Variants in RAB14 observed in about 807,000 individuals in gnomAD.
The protein encoded by RAB14 is ras-related protein Rab-14.
A neutral mutation model predicts 31.1 loss-of-function variants in RAB14; 3 were observed. The ratio of observed to expected loss-of-function variants is 0.10; its 90% CI spans 0.04 to 0.25. The LOEUF (loss-of-function observed/expected upper bound fraction) is 0.25. Among genes scored for constraint, RAB14 ranks in the 10% least tolerant of loss-of-function variants. The pLI, the probability that RAB14 is intolerant of heterozygous loss-of-function variation, is 1.00. For synonymous variants in RAB14, 85 were observed against 84.9 expected (o/e 1.00, Z 0.00); for missense variants, 111 against 260.1 (o/e 0.43, Z 3.94).
intron 4 of RAB14, among the ~76,000 whole-genome samples, chr9:121,189,999 A>T (rs1213804188): frequency 2.0e-5 from 3 of 152,168 alleles, no homozygotes; most frequent in South Asian, 4.1e-4. Flanking sequence ...TTCCAGAAAC[A>T]GTCATGTTGA....
intron 2 of RAB14, among the ~76,000 whole-genome samples, chr9:121,193,102 T>C (rs1388590530): frequency 6.6e-6 from 1 of 152,074 alleles, no homozygotes; most frequent in East Asian, 1.9e-4. Context: ...CTTCCTAGCA[T>C]CAAAAAGCTT....
At chr9:121,196,526 GAC>G (rs1193218895) in intron 1 of RAB14, among the ~76,000 whole-genome samples, 11 of 151,972 alleles carry the variant, frequency 7.2e-5, no homozygotes, top group African/African-American at 2.2e-4. Context: ...TACAGATGAG[GAC>G]ACAGACTCAA....
intron 1 of RAB14, among the ~76,000 whole-genome samples, chr9:121,198,498 A>G (rs16910419): frequency 0.12 from 17,748 of 152,262 alleles, 1,201 homozygotes; most frequent in East Asian, 0.19. Context: ...TATAATTTTT[A>G]CATAGCTGAT....
chr9:121,192,116 T>TA (rs2053690078), intron 3 of RAB14, 55 bp downstream of exon 3: 3 of 1,329,398 alleles, frequency 2.3e-6, no homozygotes, highest in East Asian at 4.8e-5. Flanking sequence ...TTCTAAAAAG[T>TA]AGAAACATGG....
At chr9:121,187,420 A>T (rs963887170) in intron 4 of RAB14, among the ~76,000 whole-genome samples, 3 of 152,104 alleles carry the variant, frequency 2.0e-5, no homozygotes, top group Non-Finnish European at 4.4e-5. Flanking sequence ...CCTAAACATG[A>T]CACATTTAAT....
intron 5 of RAB14, among the ~76,000 whole-genome samples, chr9:121,185,435 G>T (rs1206286854): frequency 1.3e-5 from 2 of 152,036 alleles, no homozygotes; most frequent in African/African-American, 4.8e-5. Flanking sequence ...GTTCGTGCAT[G>T]GGTGGTTCTA....
chr9:121,197,729 T>G (rs541954902), intron 1 of RAB14, among the ~76,000 whole-genome samples: 2 of 152,272 alleles, frequency 1.3e-5, no homozygotes, highest in African/African-American at 4.8e-5. Flanking sequence ...TTAAAAATCT[T>G]AACAATAATC....
chr9:121,183,101 G>A lies in RAB14; in HGVS notation c.440-141C>T, dbSNP rs142991334. 42 of 842,154 alleles carry A rather than the reference G, an allele frequency of 5.0e-5. No homozygotes were observed. The East Asian group carries it at 7.6e-4, about 15-fold the overall frequency. 52.2% of individuals were successfully genotyped at this position (842,154 alleles called of 1,614,324 possible). On this transcript the variant is annotated intron_variant, in intron 6 of 7. Transcript: ENST00000373840. Reference sequence around the variant, plus strand: ...TTATGAAAAAGTATGTAAGTTTGAGGTGGAGAGCATCTTTATATTTGTCAC... The same window carrying A: ...TTATGAAAAAGTATGTAAGTTTGAGATGGAGAGCATCTTTATATTTGTCAC...
At chr9:121,199,124 G>C (rs2053735235) in intron 1 of RAB14, among the ~76,000 whole-genome samples, 1 of 151,876 alleles carries the variant, frequency 6.6e-6, no homozygotes, top group Non-Finnish European at 1.5e-5. Flanking sequence ...CAACCAAAAA[G>C]CCAAAAAAAA....
chr9:121,187,239 T>C (rs530856083), intron 4 of RAB14, among the ~76,000 whole-genome samples: 1 of 152,166 alleles, frequency 6.6e-6, no homozygotes, highest in East Asian at 1.9e-4. Flanking sequence ...ACTTTGATAA[T>C]TACAGGTCAG....
chr9:121,188,078 C>T (rs1426887955), intron 4 of RAB14, among the ~76,000 whole-genome samples: 3 of 151,898 alleles, frequency 2.0e-5, no homozygotes, highest in Non-Finnish European at 4.4e-5. Flanking sequence ...CTTAGTCAGA[C>T]TTTTATTGTG....
In RAB14 at chr9:121,183,375, T is replaced by C; in HGVS notation, c.375A>G (p.Lys125=). 1 of 1,608,278 alleles carries C rather than the reference T, an allele frequency of 6.2e-7. No homozygotes were observed. Among genetic ancestry groups the C allele is most frequent in the Non-Finnish European group, 8.5e-7 (1 of 1,176,376 alleles). The change falls in exon 6 of 8, where the codon AAA becomes AAG. Residue 125 remains lysine (K), a synonymous_variant. Coordinates refer to ENST00000373840, the MANE Select transcript of RAB14 (RefSeq NM_016322.4). ...CATCTCTCTGTGCCTCCAAATCTGC[T>C]TTATTTCCTATGAGAATTATTACCT... ...PNTVIILIGN[K]ADLEAQRDVT...
rs1045252826 is a variant in RAB14 at position 121,179,248 on chromosome 9, T to A, written c.*2148A>T. The A allele has an allele frequency of 1.4e-4, 21 of 152,568 alleles. No individual in the cohort carries two copies. The highest frequency in any genetic ancestry group is 4.8e-4 in the African/African-American group (20 of 41,466). 9.5% of individuals were successfully genotyped at this position (152,568 alleles called of 1,614,324 possible). On this transcript the variant is annotated 3_prime_UTR_variant, in exon 8 of 8. Transcript: ENST00000373840. ...CTGATGACACGTCAAATTGTTCACC[T>A]GAAGAAAAACCCTATTATAGTTCAG...
At chr9:121,198,055 A>G (rs1214134586) in intron 1 of RAB14, among the ~76,000 whole-genome samples, 1 of 151,642 alleles carries the variant, frequency 6.6e-6, no homozygotes, top group African/African-American at 2.4e-5. Flanking sequence ...TCAACCCTAT[A>G]TTCATATAAT....
chr9:121,190,500 A>G, intron 4 of RAB14, 54 bp downstream of exon 4: 1 of 1,460,154 alleles, frequency 6.8e-7, no homozygotes, highest in Non-Finnish European at 9.1e-7. Context: ...TTTTTTTTAA[A>G]TGCCCAAAGT....
chr9:121,183,183 T>G, intron 6 of RAB14, 128 bp downstream of exon 6: 1 of 828,016 alleles, frequency 1.2e-6, no homozygotes. Flanking sequence ...CATTGTTACT[T>G]CCTCATTCTT....
rs954442993 is a variant in RAB14, at chr9:121,178,278, CAAAA to C, written c.*3114_*3117del. Reference sequence around the variant, plus strand: ...AAGTTCTAGAAGGCATCTTTCAAAACAAAACTTGATTTCTTTTGTATTTACATTT... The same window carrying C: ...AAGTTCTAGAAGGCATCTTTCAAAACCTTGATTTCTTTTGTATTTACATTT... On this transcript the variant is annotated 3_prime_UTR_variant, in exon 8 of 8. Coordinates refer to ENST00000373840, the MANE Select transcript of RAB14 (RefSeq NM_016322.4). 19 of 152,300 alleles carry C rather than the reference CAAAA, an allele frequency of 1.2e-4. No homozygotes were observed. Among genetic ancestry groups the C allele is most frequent in the African/African-American group, 4.6e-4 (19 of 41,578 alleles). 9.4% of individuals were successfully genotyped at this position (152,300 alleles called of 1,614,324 possible). A position where few individuals can be genotyped will look rare whatever the true frequency, so the allele number is the denominator to read the frequency against.
intron 1 of RAB14, among the ~76,000 whole-genome samples, chr9:121,201,185 C>T (rs940686784): frequency 6.6e-6 from 1 of 152,158 alleles, no homozygotes; most frequent in Non-Finnish European, 1.5e-5. Flanking sequence ...ACGCGGCCTA[C>T]GGGACGGGAC....
intron 5 of RAB14, among the ~76,000 whole-genome samples, chr9:121,186,254 C>T (rs1302170260): frequency 1.6e-4 from 25 of 152,146 alleles, no homozygotes; most frequent in Non-Finnish European, 2.9e-5. Flanking sequence ...CACTGATCAT[C>T]CTAGGCTCTC....
Sources: allele counts gnomAD v4.1 joint callset (sites outside exome capture counted in the v4.1 genomes callset), GRCh38; gene constraint gnomAD v4.1.1; transcripts MANE v1.5; gene names NCBI Gene and HGNC (gene_info 2026-07-23, HGNC 2026-07-21).